CRISPLD2: variants seen among roughly 807,000 people sequenced by gnomAD.
The protein encoded by CRISPLD2 is cysteine-rich secretory protein LCCL domain-containing 2.
A neutral mutation model predicts 71.1 loss-of-function variants in CRISPLD2; 47 were observed. The ratio of observed to expected loss-of-function variants is 0.66; its 90% CI spans 0.52 to 0.84. The LOEUF is 0.84. Ranked by LOEUF, CRISPLD2 falls within the 40% of genes least tolerant of loss-of-function variation. The pLI is 0.00. For missense variants in CRISPLD2, 830 were observed against 651.1 expected (o/e 1.27, Z -2.99); for synonymous variants, 317 against 250.1 (o/e 1.27, Z -2.52).
At chr16:84,890,711 C>G (rs903129291) in intron 14 of CRISPLD2, among the ~76,000 whole-genome samples, 12 of 151,980 alleles carry the variant, frequency 7.9e-5, no homozygotes, top group Non-Finnish European at 1.6e-4. Flanking sequence ...AGGAGAATCA[C>G]TTGAACCCGG....
At chr16:84,849,321 C>A in intron 3 of CRISPLD2, 64 bp from the exon 4 acceptor site, 3 of 1,496,876 alleles carry the variant, frequency 2.0e-6, no homozygotes, top group East Asian at 2.3e-5. Flanking sequence ...CCCGTGGCTG[C>A]TGCTGTCTCC....
chr16:84,894,131 GA>G (rs2071685696), intron 14 of CRISPLD2, among the ~76,000 whole-genome samples: 2 of 152,150 alleles, frequency 1.3e-5, no homozygotes, highest in South Asian at 4.1e-4. Context: ...TGGACGTTTT[GA>G]AAGGCAGCCA....
intron 1 of CRISPLD2, among the ~76,000 whole-genome samples, chr16:84,837,614 T>TC (rs150095960): frequency 0.074 from 11,189 of 152,084 alleles, 513 homozygotes; most frequent in South Asian, 0.099. Flanking sequence ...AGACAGGGTT[T>TC]CATCGTGTTA....
chr16:84,833,289 C>T (rs1045346982), intron 1 of CRISPLD2, among the ~76,000 whole-genome samples: 1 of 152,168 alleles, frequency 6.6e-6, no homozygotes, highest in Non-Finnish European at 1.5e-5. Context: ...CCAGCCTCTG[C>T]TGTGTGCTGA....
chr16:84,883,500 C>G (rs1305010953), intron 13 of CRISPLD2, among the ~76,000 whole-genome samples: 1 of 152,218 alleles, frequency 6.6e-6, no homozygotes, highest in Admixed American at 6.5e-5. Flanking sequence ...TTCTGTCCTC[C>G]CCATCCCACT....
At chr16:84,865,765 A>G (rs751169094) in intron 6 of CRISPLD2, among the ~76,000 whole-genome samples, 4 of 152,178 alleles carry the variant, frequency 2.6e-5, no homozygotes, top group African/African-American at 4.8e-5. Context: ...TGGTGGCCTG[A>G]TTGCAGATTC....
intron 14 of CRISPLD2, among the ~76,000 whole-genome samples, chr16:84,899,952 G>T (rs1337365453): frequency 6.6e-6 from 1 of 152,106 alleles, no homozygotes; most frequent in Non-Finnish European, 1.5e-5. Flanking sequence ...GGCCCTGGTT[G>T]GTTCTCCCAG....
chr16:84,869,732 C>A (rs529713631), intron 8 of CRISPLD2, among the ~76,000 whole-genome samples: 2 of 152,270 alleles, frequency 1.3e-5, no homozygotes, highest in African/African-American at 4.8e-5. Context: ...AAGCAGGCAG[C>A]GCCTGGCAGG....
At chr16:84,877,366 A>G in intron 11 of CRISPLD2, 72 bp from the exon 12 acceptor site, 2 of 1,419,526 alleles carry the variant, frequency 1.4e-6, no homozygotes, top group Non-Finnish European at 2.0e-6. Flanking sequence ...CTAGTGGCCC[A>G]TTGCACAGCC....
chr16:84,885,527 C>T (rs1369901465), intron 13 of CRISPLD2, among the ~76,000 whole-genome samples: 3 of 152,212 alleles, frequency 2.0e-5, no homozygotes, highest in Non-Finnish European at 2.9e-5. Flanking sequence ...AGGTCCACGG[C>T]CTTCTGCCTG....
At position 84,890,958 on chromosome 16, in the gene CRISPLD2, G is replaced by A. The variant is rs538894377; in HGVS notation, c.1439+1595G>A. Reference sequence around the variant, plus strand: ...ATTTTTGTATTTTTAGTAGAGATTGGATCTCGCCCTGTTGGCCAGGCTGGT... The same window carrying A: ...ATTTTTGTATTTTTAGTAGAGATTGAATCTCGCCCTGTTGGCCAGGCTGGT... On this transcript the variant is annotated intron_variant, in intron 14 of 14. Transcript: ENST00000262424. 1.8e-3 allele frequency among the ~76,000 whole-genome samples: 275 copies of A among 152,236 alleles called. 1 individual carries two copies. Among genetic ancestry groups the A allele is most frequent in the African/African-American group, 6.3e-3 (261 of 41,558 alleles).
chr16:84,874,047 T>C lies in CRISPLD2; in HGVS notation c.1156+84T>C, dbSNP rs2071498443. The C allele has an allele frequency of 9.7e-6, 12 of 1,236,720 alleles. No homozygotes were observed. The South Asian group carries it at 1.6e-4, about 16-fold the overall frequency. 76.6% of individuals were successfully genotyped at this position (1,236,720 alleles called of 1,614,324 possible). A position where few individuals can be genotyped will look rare whatever the true frequency, so the allele number is the denominator to read the frequency against. On this transcript the variant is annotated intron_variant, in intron 11 of 14. Transcript: ENST00000262424. ...AAATTTCACTTCCTTTAGTCGCTGA[T>C]TTAATGTTTATCATGCGTGTGAACA...
intron 3 of CRISPLD2, 49 bp from the exon 4 acceptor site, chr16:84,849,336 G>C: frequency 6.4e-7 from 1 of 1,560,404 alleles, no homozygotes; most frequent in Non-Finnish European, 8.8e-7. Context: ...GTCTCCACTG[G>C]TGGGTGAGGG....
chr16:84,853,780 C>G (rs985222055), intron 5 of CRISPLD2, among the ~76,000 whole-genome samples: 1 of 152,226 alleles, frequency 6.6e-6, no homozygotes, highest in Non-Finnish European at 1.5e-5. Context: ...CAAGGGCTTC[C>G]CCACGGTCAC....
At chr16:84,869,480 C>T (rs761912759) in intron 8 of CRISPLD2, among the ~76,000 whole-genome samples, 1 of 152,190 alleles carries the variant, frequency 6.6e-6, no homozygotes, top group Non-Finnish European at 1.5e-5. Flanking sequence ...GGTTTTATAT[C>T]GCAAGGGTTT....
Position 84,850,701 on chromosome 16 carries a change from C to G in CRISPLD2, c.608+18C>G. On this transcript the variant is annotated intron_variant, in intron 5 of 14. Transcript: ENST00000262424. ...TCTCCAAAGTAAGACAAGTTGATGCCGTTGTATGGGGTGGGGGTTGGGATG... is the reference window on the plus strand; with the variant it reads ...TCTCCAAAGTAAGACAAGTTGATGCGGTTGTATGGGGTGGGGGTTGGGATG... The G allele has an allele frequency of 6.3e-7, 1 of 1,591,688 alleles. No individual in the cohort carries two copies. Among genetic ancestry groups the G allele is most frequent in the Non-Finnish European group, 8.6e-7 (1 of 1,159,576 alleles).
At chr16:84,878,767 G>C (rs930235887) in intron 12 of CRISPLD2, among the ~76,000 whole-genome samples, 3 of 152,232 alleles carry the variant, frequency 2.0e-5, no homozygotes, top group African/African-American at 7.2e-5. Context: ...AAGGCCGCAG[G>C]TCTCTGGGAC....
intron 6 of CRISPLD2, among the ~76,000 whole-genome samples, chr16:84,860,595 G>T (rs186688495): frequency 1.6e-3 from 239 of 152,296 alleles, no homozygotes; most frequent in African/African-American, 5.3e-3. Flanking sequence ...TGACCGCAGC[G>T]TGGGTCGGGG....
chr16:84,871,376 C>T (rs2071467778), intron 8 of CRISPLD2, among the ~76,000 whole-genome samples: 1 of 151,988 alleles, frequency 6.6e-6, no homozygotes, highest in African/African-American at 2.4e-5. Context: ...GGCAACATGG[C>T]AAAACCCCCA....
Sources: allele counts gnomAD v4.1 joint callset (sites outside exome capture counted in the v4.1 genomes callset), GRCh38; gene constraint gnomAD v4.1.1; transcripts MANE v1.5; gene names NCBI Gene and HGNC (gene_info 2026-07-23, HGNC 2026-07-21).